ANKMY2: variants seen among roughly 807,000 people sequenced by gnomAD.
ANKMY2 encodes the protein ankyrin repeat and MYND domain-containing protein 2.
In ANKMY2, 36 loss-of-function variants were observed where a neutral mutation model predicts 50.4. The ratio of observed to expected loss-of-function variants is 0.71; its 90% CI spans 0.55 to 0.94. The LOEUF (loss-of-function observed/expected upper bound fraction) is 0.94. ANKMY2 is among the 40% of genes least tolerant of loss of function. The pLI is 0.00. For missense variants in ANKMY2, 565 were observed against 524.0 expected (o/e 1.08, Z -0.76); for synonymous variants, 187 against 178.8 (o/e 1.05, Z -0.36).
In ANKMY2 at chr7:16,604,814, T is replaced by C. The variant is rs1781125382; in HGVS notation, c.918A>G (p.Gln306=). 2 of 1,613,898 alleles carry C rather than the reference T, an allele frequency of 1.2e-6. No homozygotes were observed. Among genetic ancestry groups the C allele is most frequent in the Admixed American group, 1.7e-5 (1 of 59,988 alleles). Residue 306 remains glutamine (Q), a synonymous_variant, in exon 8 of 10, where the codon CAA becomes CAG. Transcript: ENST00000306999. ...CAAAACCCACCTGGCCAGTGATGGC[T>C]TGGGTAAGGACGGAGAATGCAGTGG... ...SDPTAFSVLT[Q]AITGQVGFVD... is the part of the protein sequence containing the mutation.
chr7:16,619,765 A>G (rs535869532), intron 4 of ANKMY2, among the ~76,000 whole-genome samples: 3 of 152,308 alleles, frequency 2.0e-5, no homozygotes, highest in African/African-American at 7.2e-5. Flanking sequence ...TTTTGCTCCC[A>G]TATTACAATC....
rs1332592571 is a variant in ANKMY2 at position 16,638,317 on chromosome 7, T to G, written c.68-1862A>C. 2.0e-5 allele frequency among the ~76,000 whole-genome samples: 3 copies of G among 152,200 alleles called. No individual in the cohort carries two copies. The East Asian group carries it at 5.8e-4, about 29-fold the overall frequency. On this transcript the variant is annotated intron_variant, in intron 1 of 9. Transcript: ENST00000306999. The stretch of plus-strand genomic sequence containing the variant: ...CCCTGTACTTCTGACTGGCTATAAA[T>G]CAGGGTTCCCATGATCCCCTCCTCA...
intron 1 of ANKMY2, among the ~76,000 whole-genome samples, 183 bp from the exon 2 acceptor site, chr7:16,636,638 T>C (rs1006476885): frequency 6.6e-6 from 1 of 152,174 alleles, no homozygotes; most frequent in Admixed American, 6.5e-5. Flanking sequence ...TCCAGTAGAA[T>C]AGATTTACAG....
intron 2 of ANKMY2, among the ~76,000 whole-genome samples, chr7:16,629,480 G>T: frequency 6.6e-6 from 1 of 152,130 alleles, no homozygotes; most frequent in Middle Eastern, 3.4e-3. Flanking sequence ...AGGTTGCAGT[G>T]AGCCGAGATG....
chr7:16,635,605 T>C (rs1224892929), intron 2 of ANKMY2, among the ~76,000 whole-genome samples: 3 of 152,220 alleles, frequency 2.0e-5, no homozygotes, highest in Admixed American at 6.5e-5. Flanking sequence ...AAGTGTTTAA[T>C]GGTCACACAT....
chr7:16,629,423 C>A (rs1378426962), intron 2 of ANKMY2, among the ~76,000 whole-genome samples: 2 of 152,110 alleles, frequency 1.3e-5, no homozygotes, highest in Non-Finnish European at 2.9e-5. Flanking sequence ...ACAGTCCCAG[C>A]TACTCGGGAA....
rs1003728402 is a variant in ANKMY2 at position 16,635,684 on chromosome 7, T to C, written c.132+707A>G. On this transcript the variant is annotated intron_variant, in intron 2 of 9. Coordinates refer to ENST00000306999, the MANE Select transcript of ANKMY2 (RefSeq NM_020319.3). ...AAACTTATTTTAGAAGCAACTATTCTAGGAAATTGAGTTTAGGTTCACTTA... is the reference window on the plus strand; with the variant it reads ...AAACTTATTTTAGAAGCAACTATTCCAGGAAATTGAGTTTAGGTTCACTTA... Among the ~76,000 whole-genome samples the C allele has an allele frequency of 2.0e-5, 3 of 152,302 alleles. No homozygotes were observed. In the South Asian group the frequency reaches 6.2e-4, roughly 32 times the overall value.
chr7:16,637,897 G>C (rs904940050), intron 1 of ANKMY2, among the ~76,000 whole-genome samples: 2 of 152,208 alleles, frequency 1.3e-5, no homozygotes, highest in African/African-American at 4.8e-5. Context: ...GTCAAAACCT[G>C]CTACATGGGA....
intron 7 of ANKMY2, among the ~76,000 whole-genome samples, chr7:16,605,382 T>C (rs193062314): frequency 6.6e-6 from 1 of 152,320 alleles, no homozygotes; most frequent in East Asian, 1.9e-4. Flanking sequence ...ATGTTCCAAA[T>C]TTGTTAAGAA....
At chr7:16,640,600 C>A (rs1781731239) in intron 1 of ANKMY2, among the ~76,000 whole-genome samples, 2 of 152,158 alleles carry the variant, frequency 1.3e-5, no homozygotes, top group South Asian at 2.1e-4. Context: ...TGGCTCACTG[C>A]AGCCTTGAAT....
Position 16,600,788 on chromosome 7 carries a change from A to G in ANKMY2, c.1299T>C (p.Pro433=), listed in dbSNP as rs373908354. Residue 433 remains proline (P), a synonymous_variant, in exon 10 of 10, where the codon CCT becomes CCC. Transcript: ENST00000306999. The part of the protein sequence containing the change: ...EAELEGLQDA[P]AGPQVSEE The stretch of plus-strand genomic sequence containing the variant: ...ACTCCTCAGACACCTGTGGCCCTGC[A>G]GGAGCATCCTGTAAGCCTTCCAACT... 54 of 1,612,616 alleles carry G rather than the reference A, an allele frequency of 3.3e-5. No individual in the cohort carries two copies. Among genetic ancestry groups the G allele is most frequent in the Middle Eastern group, 1.6e-4 (1 of 6,072 alleles).
intron 4 of ANKMY2, among the ~76,000 whole-genome samples, chr7:16,623,750 G>A (rs1315117333): frequency 6.6e-6 from 1 of 152,192 alleles, no homozygotes; most frequent in East Asian, 1.9e-4. Context: ...CTTGGGGCCT[G>A]TACACACGGG....
intron 4 of ANKMY2, among the ~76,000 whole-genome samples, chr7:16,620,779 C>G (rs1781424681): frequency 6.6e-6 from 1 of 152,032 alleles, no homozygotes; most frequent in South Asian, 2.1e-4. Flanking sequence ...CAAAACAGAA[C>G]CCACCTATAT....
intron 2 of ANKMY2, among the ~76,000 whole-genome samples, chr7:16,629,483 C>T (rs1295559599): frequency 6.6e-6 from 1 of 152,034 alleles, no homozygotes; most frequent in African/African-American, 2.4e-5. Flanking sequence ...TTGCAGTGAG[C>T]CGAGATGGCG....
intron 2 of ANKMY2, among the ~76,000 whole-genome samples, chr7:16,632,083 TCCC>T (rs1163062559): frequency 6.8e-6 from 1 of 146,180 alleles, no homozygotes; most frequent in East Asian, 2.2e-4. Flanking sequence ...CTCCTTTCTT[TCCC>T]CCCGTCTTTC....
chr7:16,616,216 A>G (rs1351199355), intron 4 of ANKMY2, among the ~76,000 whole-genome samples: 5 of 152,232 alleles, frequency 3.3e-5, no homozygotes, highest in Non-Finnish European at 1.5e-5. Context: ...AGTTGCTTGT[A>G]AGTTAAATGT....
intron 4 of ANKMY2, among the ~76,000 whole-genome samples, chr7:16,620,379 AT>A (rs145212006): frequency 0.03 from 4,540 of 152,318 alleles, 128 homozygotes; most frequent in South Asian, 0.047. Context: ...AGCTACAGGT[AT>A]GATTGGCACA....
chr7:16,609,803 C>A, intron 6 of ANKMY2, 38 bp from the exon 7 acceptor site: 2 of 1,602,032 alleles, frequency 1.2e-6, no homozygotes, highest in Non-Finnish European at 1.7e-6. Flanking sequence ...GGAGTTGAAT[C>A]ACTAAGCATT....
At chr7:16,611,943 G>A (rs931354667) in intron 5 of ANKMY2, among the ~76,000 whole-genome samples, 15 of 152,160 alleles carry the variant, frequency 9.9e-5, no homozygotes, top group African/African-American at 3.6e-4. Context: ...GAACCACCCT[G>A]CACTGCGTCT....
Sources: allele counts gnomAD v4.1 joint callset (sites outside exome capture counted in the v4.1 genomes callset), GRCh38; gene constraint gnomAD v4.1.1; transcripts MANE v1.5; gene names NCBI Gene and HGNC (gene_info 2026-07-23, HGNC 2026-07-21).